PRH1: variants seen among roughly 807,000 people sequenced by gnomAD.
PRH1 encodes the protein salivary acidic proline-rich phosphoprotein 1/2.
PRH1 carries 7 observed loss-of-function variants against 7.9 expected under a neutral mutation model. The ratio of observed to expected loss-of-function variants is 0.89; its 90% CI spans 0.50 to 1.67. PRH1 has a LOEUF of 1.67. Among genes scored for constraint, PRH1 ranks in the 40% most tolerant of loss-of-function variants. PRH1 has a pLI of 0.00. For synonymous variants in PRH1, 45 were observed against 80.8 expected, an observed-to-expected ratio of 0.56 and a Z score of 2.38; for missense variants, 109 against 223.6, an observed-to-expected ratio of 0.49 and a Z score of 3.27.
At position 10,882,151 on chromosome 12, in the gene PRH1, T is replaced by C. The variant is rs76615657; in HGVS notation, c.*18+66A>G. The C allele has an allele frequency of 2.2e-4, 358 of 1,596,564 alleles. 1 individual carries two copies. The highest frequency in any genetic ancestry group is 2.8e-4 in the Non-Finnish European group (330 of 1,174,012). On this transcript the variant is annotated intron_variant, in intron 3 of 3. Coordinates refer to ENST00000543626, the MANE Select transcript of PRH1 (RefSeq NM_001393989.1). ...ATTAACAGGTTTTCAGAGGATTCATTGGCACAATGAAGTTGGAGAACTGTA... is the reference window on the plus strand; with the variant it reads ...ATTAACAGGTTTTCAGAGGATTCATCGGCACAATGAAGTTGGAGAACTGTA...
intron 2 of PRH1, chr12:10,908,714 G>A: frequency 6.2e-7 from 1 of 1,613,842 alleles, no homozygotes; most frequent in South Asian, 1.1e-5. Context: ...GAAAAGAGAT[G>A]AAGGCCACAG....
chr12:10,944,856 C>T (rs144926871), intron 2 of PRH1, among the ~76,000 whole-genome samples: 3,008 of 152,188 alleles, frequency 0.02, 33 homozygotes, highest in South Asian at 0.031. Context: ...TGTGATGAAT[C>T]ATATTTATTG....
At chr12:11,136,316 GT>G (rs983802423) in intron 1 of PRH1, among the ~76,000 whole-genome samples, 1 of 138,552 alleles carries the variant, frequency 7.2e-6, no homozygotes, top group Non-Finnish European at 1.6e-5. Context: ...AGTACATGTG[GT>G]TTTTTTTCAC....
At chr12:11,155,307 C>A in intron 1 of PRH1, among the ~76,000 whole-genome samples, 1 of 152,100 alleles carries the variant, frequency 6.6e-6, no homozygotes, top group East Asian at 1.9e-4. Context: ...GAAAACTTTC[C>A]AGTATAATTC....
chr12:11,016,166 A>G (rs185452753), intron 1 of PRH1, among the ~76,000 whole-genome samples: 2 of 152,332 alleles, frequency 1.3e-5, no homozygotes, highest in East Asian at 1.9e-4. Context: ...GAAGGCACCA[A>G]TTCAACTGTC....
In PRH1 at chr12:11,092,211, T is replaced by A. The variant is rs1228874934; in HGVS notation, n.124-45023A>T. 6 of 1,298,756 alleles carry A rather than the reference T, an allele frequency of 4.6e-6. No homozygotes were observed. In the East Asian group the frequency reaches 1.4e-4, roughly 30 times the overall value. The allele number at this position is 1,298,756 out of a possible 1,614,324, so 80.5% of individuals were successfully genotyped here. A position where few individuals can be genotyped will look rare whatever the true frequency, so the allele number is the denominator to read the frequency against. ...ACCACTACCAGACTGGAAAAAATGA[T>A]GGGTAGAAAAGTTATCATGTCTGAA... On this transcript the variant is annotated intron_variant and non_coding_transcript_variant, in intron 1 of 4. Coordinates refer to the PRH1 transcript ENST00000541977.
chr12:11,134,269 T>G (rs780661716), intron 1 of PRH1: 1 of 1,588,090 alleles, frequency 6.3e-7, no homozygotes, highest in Non-Finnish European at 8.6e-7. Flanking sequence ...AAAGAAATTT[T>G]TAAAATGCTG....
chr12:11,141,554 A>G (rs1334588182), intron 1 of PRH1, among the ~76,000 whole-genome samples: 2 of 152,208 alleles, frequency 1.3e-5, no homozygotes, highest in Non-Finnish European at 2.9e-5. Context: ...TGCTTCATAT[A>G]GGTATGCTCC....
chr12:10,997,355 AG>A (rs1565534545), intron 1 of PRH1: 2 of 1,614,114 alleles, frequency 1.2e-6, no homozygotes, highest in Non-Finnish European at 1.7e-6. Flanking sequence ...CAAGTTGGAA[AG>A]GTGCATTGCA....
intron 1 of PRH1, among the ~76,000 whole-genome samples, chr12:11,007,417 A>C (rs1023971127): frequency 6.6e-6 from 1 of 152,140 alleles, no homozygotes; most frequent in Non-Finnish European, 1.5e-5. Context: ...TTTCCCACTC[A>C]GGGTTTTCAG....
chr12:10,947,539 G>A (rs925016053), intron 2 of PRH1, among the ~76,000 whole-genome samples: 1 of 151,734 alleles, frequency 6.6e-6, no homozygotes, highest in African/African-American at 2.4e-5. Flanking sequence ...ATTTGAGACG[G>A]GTCTCTTGAA....
At chr12:11,100,683 C>T (rs1945209467) in intron 1 of PRH1, among the ~76,000 whole-genome samples, 1 of 152,172 alleles carries the variant, frequency 6.6e-6, no homozygotes, top group Non-Finnish European at 1.5e-5. Context: ...AGCAAACTAT[C>T]ACAAATGCTT....
chr12:11,170,550 A>G (rs2136486493), intron 1 of PRH1, among the ~76,000 whole-genome samples: 1 of 152,332 alleles, frequency 6.6e-6, no homozygotes, highest in Admixed American at 6.5e-5. Context: ...CCCGTCTCAA[A>G]AACAACAACA....
At chr12:10,964,422 A>G (rs543624860) in intron 2 of PRH1, 60 of 233,294 alleles carry the variant, frequency 2.6e-4, no homozygotes, top group South Asian at 4.9e-4. Flanking sequence ...TTGTGAATCT[A>G]GAAATTTGAG....
At chr12:10,941,708 AT>A (rs544035624) in intron 2 of PRH1, among the ~76,000 whole-genome samples, 2 of 151,210 alleles carry the variant, frequency 1.3e-5, no homozygotes, top group East Asian at 3.9e-4. Context: ...AACCTCCTGA[AT>A]TTTTTTTCAG....
At chr12:11,022,004 G>A (rs1437011977) in intron 1 of PRH1, 33 of 1,613,928 alleles carry the variant, frequency 2.0e-5, no homozygotes, top group Non-Finnish European at 2.6e-5. Context: ...ATTAGGCTCA[G>A]AGTAAAGGGT....
At position 11,037,997 on chromosome 12, in the gene PRH1, G is replaced by A. The variant is rs367973612; in HGVS notation, c.-126+9023C>T. 7.8e-4 allele frequency among the ~76,000 whole-genome samples: 118 copies of A among 152,210 alleles called. 4 individuals carry two copies. In the South Asian group the frequency reaches 0.023, roughly 30 times the overall value. ...GCGGAGGTTGCATTGAGCCAAGATT[G>A]CGCTTGTGCACTCCAGCCTGGGCAA... On this transcript the variant is annotated intron_variant, in intron 1 of 3. Transcript: ENST00000539853.
At chr12:11,091,558 G>A (rs1204366607) in intron 1 of PRH1, 3 of 1,431,424 alleles carry the variant, frequency 2.1e-6, no homozygotes, top group Admixed American at 1.8e-5. Flanking sequence ...AAGCTTTTAT[G>A]TGGACCTTGG....
intron 1 of PRH1, among the ~76,000 whole-genome samples, chr12:10,976,563 A>G (rs1939107102): frequency 6.6e-6 from 1 of 152,138 alleles, no homozygotes; most frequent in South Asian, 2.1e-4. Context: ...ACAAGGAATA[A>G]CCAACATCAG....
Sources: allele counts gnomAD v4.1 joint callset (sites outside exome capture counted in the v4.1 genomes callset), GRCh38; gene constraint gnomAD v4.1.1; transcripts MANE v1.5; gene names NCBI Gene and HGNC (gene_info 2026-07-23, HGNC 2026-07-21).